Variants in LRP12 observed in about 807,000 individuals in gnomAD.
The protein encoded by LRP12 is low-density lipoprotein receptor-related protein 12.
Under a neutral mutation model 66.0 loss-of-function variants are expected in LRP12, and 14 were observed. The observed-to-expected ratio is 0.21, with a 90% CI of 0.14 to 0.33. The LOEUF (loss-of-function observed/expected upper bound fraction) is 0.33, where lower values mean the gene tolerates loss of function less well. Ranked by LOEUF, LRP12 falls within the 10% of genes least tolerant of loss-of-function variation. The pLI is 1.00. For synonymous variants in LRP12, 357 were observed against 359.1 expected (o/e 0.99, Z 0.07); for missense variants, 889 against 1,053.4 (o/e 0.84, Z 2.16).
intron 1 of LRP12, among the ~76,000 whole-genome samples, chr8:104,547,410 T>A (rs1018174608): frequency 7.3e-5 from 10 of 136,514 alleles, no homozygotes; most frequent in Non-Finnish European, 1.5e-5. Flanking sequence ...AATTCTGTTA[T>A]ATTTTGTATA....
intron 1 of LRP12, among the ~76,000 whole-genome samples, chr8:104,587,068 A>G (rs1000013629): frequency 1.3e-5 from 2 of 152,230 alleles, no homozygotes; most frequent in African/African-American, 4.8e-5. Flanking sequence ...ACCAAAACAA[A>G]TTGAGGGGTT....
At chr8:104,585,884 A>G (rs918022745) in intron 1 of LRP12, among the ~76,000 whole-genome samples, 1 of 152,250 alleles carries the variant, frequency 6.6e-6, no homozygotes, top group African/African-American at 2.4e-5. Flanking sequence ...AACAGCTTCT[A>G]TTGACTAGGA....
intron 1 of LRP12, among the ~76,000 whole-genome samples, chr8:104,586,301 A>T (rs1461105303): frequency 1.3e-5 from 2 of 152,202 alleles, no homozygotes; most frequent in Non-Finnish European, 2.9e-5. Context: ...TAAACAACAA[A>T]AAATTTTTTT....
chr8:104,495,042 A>G (rs1184415556), intron 6 of LRP12, 35 bp downstream of exon 6: 1 of 1,586,754 alleles, frequency 6.3e-7, no homozygotes, highest in Non-Finnish European at 8.6e-7. Context: ...TCATTTTAAG[A>G]GGAAATGTAA....
intron 2 of LRP12, among the ~76,000 whole-genome samples, chr8:104,509,859 G>C (rs1810966584): frequency 6.6e-6 from 1 of 152,190 alleles, no homozygotes; most frequent in African/African-American, 2.4e-5. Context: ...GCTTAGTTAA[G>C]ATGGAAAAGG....
At chr8:104,561,950 G>A (rs2140887784) in intron 1 of LRP12, among the ~76,000 whole-genome samples, 1 of 152,216 alleles carries the variant, frequency 6.6e-6, no homozygotes, top group Middle Eastern at 3.4e-3. Context: ...GGTATTTAGA[G>A]ACCATAATTT....
At chr8:104,509,638 G>A (rs1033561944) in intron 2 of LRP12, among the ~76,000 whole-genome samples, 7 of 152,094 alleles carry the variant, frequency 4.6e-5, no homozygotes, top group Non-Finnish European at 7.3e-5. Context: ...CTGGTAATTC[G>A]GATATGTCAA....
intron 2 of LRP12, among the ~76,000 whole-genome samples, chr8:104,524,518 G>A (rs1036662855): frequency 3.9e-5 from 6 of 152,108 alleles, no homozygotes; most frequent in African/African-American, 1.2e-4. Flanking sequence ...CCATTGTAAT[G>A]AAGTCACATG....
intron 1 of LRP12, among the ~76,000 whole-genome samples, chr8:104,539,695 T>A (rs1252665137): frequency 6.6e-6 from 1 of 152,038 alleles, no homozygotes; most frequent in Admixed American, 6.6e-5. Context: ...TTCCAATAAT[T>A]ATAGTTTTAA....
chr8:104,506,418 C>T (rs1458755191), intron 3 of LRP12: 1 of 152,006 alleles, frequency 6.6e-6, no homozygotes, highest in African/African-American at 2.4e-5. Context: ...TTTTGGTTTA[C>T]AGGTTTATTT....
At chr8:104,546,928 ATATAT>A (rs1224434044) in intron 1 of LRP12, among the ~76,000 whole-genome samples, 2 of 143,516 alleles carry the variant, frequency 1.4e-5, no homozygotes, top group Non-Finnish European at 3.0e-5. Flanking sequence ...ATATATAATT[ATATAT>A]TATATTTTGT....
intron 3 of LRP12, chr8:104,504,455 C>G (rs1810875201): frequency 6.6e-6 from 1 of 152,016 alleles, no homozygotes; most frequent in East Asian, 1.9e-4. Flanking sequence ...GTAAACTTTT[C>G]TAAGTATTCT....
chr8:104,574,027 T>C (rs917708316), intron 1 of LRP12, among the ~76,000 whole-genome samples: 1 of 152,274 alleles, frequency 6.6e-6, no homozygotes, highest in Admixed American at 6.5e-5. Context: ...TGTAATTTAC[T>C]CCATTTATAG....
chr8:104,563,600 T>C (rs772971387), intron 1 of LRP12, among the ~76,000 whole-genome samples: 6 of 152,142 alleles, frequency 3.9e-5, no homozygotes, highest in Admixed American at 2.0e-4. Context: ...CCTAAGGTTA[T>C]AGTATTAGGA....
At chr8:104,498,146 C>T (rs1564129523) in intron 4 of LRP12, 70 bp from the exon 5 acceptor site, 1 of 1,342,228 alleles carries the variant, frequency 7.5e-7, no homozygotes. Context: ...AGACATAAAA[C>T]AGCAAGTGAT....
At chr8:104,501,878 A>G (rs1178846195) in intron 3 of LRP12, among the ~76,000 whole-genome samples, 1 of 152,056 alleles carries the variant, frequency 6.6e-6, no homozygotes, top group Non-Finnish European at 1.5e-5. Flanking sequence ...TGTTTAGTGC[A>G]TTTGTTGTCC....
intron 1 of LRP12, among the ~76,000 whole-genome samples, chr8:104,572,716 G>A (rs1405959537): frequency 5.3e-5 from 8 of 151,956 alleles, no homozygotes; most frequent in Admixed American, 5.2e-4. Flanking sequence ...GTAAAATAAT[G>A]TTCTAGAACA....
chr8:104,552,374 T>C (rs550807882), intron 1 of LRP12, among the ~76,000 whole-genome samples: 3 of 150,870 alleles, frequency 2.0e-5, no homozygotes, highest in Admixed American at 1.3e-4. Flanking sequence ...TTTTTTTTGT[T>C]GTTTTTTTTT....
intron 2 of LRP12, among the ~76,000 whole-genome samples, chr8:104,522,331 T>C (rs1488726058): frequency 6.6e-6 from 1 of 152,040 alleles, no homozygotes; most frequent in African/African-American, 2.4e-5. Context: ...ATAGAAACTA[T>C]AAAATGCAAA....
Sources: allele counts gnomAD v4.1 joint callset (sites outside exome capture counted in the v4.1 genomes callset), GRCh38; gene constraint gnomAD v4.1.1; transcripts MANE v1.5; gene names NCBI Gene and HGNC (gene_info 2026-07-23, HGNC 2026-07-21).